The following EGFLAM variants were observed in gnomAD, a reference collection of about 807,000 sequenced individuals.
EGFLAM encodes the protein pikachurin.
In EGFLAM, 79 loss-of-function variants were observed where a neutral mutation model predicts 113.1. The ratio of observed to expected loss-of-function variants is 0.70; its 90% confidence interval spans 0.58 to 0.84. The LOEUF (loss-of-function observed/expected upper bound fraction) is 0.84. Among genes scored for constraint, EGFLAM ranks in the 40% least tolerant of loss-of-function variants. The pLI, the probability that EGFLAM is intolerant of heterozygous loss-of-function variation, is 0.00. For synonymous variants in EGFLAM, 504 were observed against 487.6 expected, an observed-to-expected ratio of 1.03 and a Z score of -0.44; for missense variants, 1,265 against 1,291.6, an observed-to-expected ratio of 0.98 and a Z score of 0.32.
chr5:38,409,131 CTT>C lies in EGFLAM; in HGVS notation c.1349+33_1349+34del, dbSNP rs777732646. The C allele has an allele frequency of 5.4e-4, 821 of 1,511,352 alleles. 1 individual carries two copies. The highest frequency in any genetic ancestry group is 7.1e-4 in the Non-Finnish European group (795 of 1,120,108). 93.6% of individuals were successfully genotyped at this position (1,511,352 alleles called of 1,614,324 possible). ...TAATTCCTGCCAAAAGCCTCACACT[CTT>C]TTTTTGTTACATTATCTTACATTAT... On this transcript the variant is annotated intron_variant, in intron 10 of 21. Coordinates refer to ENST00000322350, the MANE Select transcript of EGFLAM (RefSeq NM_152403.4).
At position 38,350,621 on chromosome 5, in the gene EGFLAM, A is replaced by G; in HGVS notation, c.409+3A>G. 6.2e-7 allele frequency: 1 copy of G among 1,612,876 alleles called. No homozygotes were observed. Among genetic ancestry groups the G allele is most frequent in the South Asian group, 1.1e-5 (1 of 90,730 alleles). ...GCATGTCACCACTTTGTCCCAAGGT[A>G]AAGTAGGTTCAAATTCATTAATAGG... On this transcript the variant is annotated splice_donor_region_variant and intron_variant, in intron 4 of 21. Transcript: ENST00000322350.
chr5:38,386,187 C>T (rs1352362469), intron 6 of EGFLAM, among the ~76,000 whole-genome samples: 1 of 152,152 alleles, frequency 6.6e-6, no homozygotes, highest in Admixed American at 6.5e-5. Flanking sequence ...TGCAAGTTAC[C>T]AAAAGGATCA....
chr5:38,354,254 T>TA (rs1240876416), intron 5 of EGFLAM, among the ~76,000 whole-genome samples: 58 of 146,630 alleles, frequency 4.0e-4, no homozygotes, highest in African/African-American at 8.5e-4. Flanking sequence ...GGAATATCCC[T>TA]AAAAAAAAAA....
intron 1 of EGFLAM, among the ~76,000 whole-genome samples, chr5:38,266,891 G>A (rs1205833674): frequency 6.6e-6 from 1 of 152,152 alleles, no homozygotes; most frequent in Non-Finnish European, 1.5e-5. Context: ...GTTGATTGGA[G>A]TAAATCAGGA....
chr5:38,445,752 G>C (rs752891370), intron 17 of EGFLAM: 1 of 1,584,778 alleles, frequency 6.3e-7, no homozygotes, highest in Non-Finnish European at 8.6e-7. Flanking sequence ...CTGGGCTGGG[G>C]CAGGCCAACC....
At chr5:38,415,418 C>A (rs1427071644) in intron 11 of EGFLAM, among the ~76,000 whole-genome samples, 1 of 152,098 alleles carries the variant, frequency 6.6e-6, no homozygotes, top group Non-Finnish European at 1.5e-5. Flanking sequence ...CACAGTGGCT[C>A]ACGCCTATAA....
intron 5 of EGFLAM, 27 bp downstream of exon 5, chr5:38,352,358 C>G (rs1739650331): frequency 5.0e-6 from 8 of 1,612,210 alleles, no homozygotes; most frequent in Non-Finnish European, 6.8e-6. Flanking sequence ...CATTCAAAAG[C>G]CAAATGTGTG....
chr5:38,445,422 C>T (rs757231558), intron 17 of EGFLAM: 17 of 1,328,634 alleles, frequency 1.3e-5, no homozygotes, highest in East Asian at 1.1e-4. Flanking sequence ...TGGTCCACCG[C>T]CACGCCCACC....
intron 1 of EGFLAM, among the ~76,000 whole-genome samples, chr5:38,324,381 C>G (rs564243486): frequency 6.6e-6 from 1 of 152,172 alleles, no homozygotes; most frequent in Admixed American, 6.5e-5. Flanking sequence ...ATCCTGCCCC[C>G]CTCCACACAT....
chr5:38,359,686 C>T (rs28611128), intron 5 of EGFLAM, among the ~76,000 whole-genome samples: 10,161 of 152,206 alleles, frequency 0.067, 393 homozygotes, highest in Middle Eastern at 0.11. Flanking sequence ...CACACACACA[C>T]AAAGTCTACT....
At chr5:38,280,458 C>T (rs1448046577) in intron 1 of EGFLAM, among the ~76,000 whole-genome samples, 1 of 152,214 alleles carries the variant, frequency 6.6e-6, no homozygotes, top group Non-Finnish European at 1.5e-5. Flanking sequence ...TAAAGGAGAT[C>T]AAATGAGAGC....
chr5:38,398,742 C>T (rs1257932892), intron 6 of EGFLAM, among the ~76,000 whole-genome samples: 1 of 152,190 alleles, frequency 6.6e-6, no homozygotes, highest in Non-Finnish European at 1.5e-5. Context: ...CTTGGGAAGA[C>T]TTTGAAGGGA....
intron 1 of EGFLAM, among the ~76,000 whole-genome samples, chr5:38,276,236 G>A (rs1757880538): frequency 6.6e-6 from 1 of 152,056 alleles, no homozygotes. Context: ...GAACAACACG[G>A]GAAGGACCTG....
intron 5 of EGFLAM, among the ~76,000 whole-genome samples, chr5:38,362,125 C>T (rs1378252413): frequency 6.6e-6 from 1 of 152,058 alleles, no homozygotes; most frequent in African/African-American, 2.4e-5. Context: ...TATGCATCCC[C>T]CGACCCCCGC....
At chr5:38,389,198 C>T (rs535331042) in intron 6 of EGFLAM, among the ~76,000 whole-genome samples, 3 of 152,052 alleles carry the variant, frequency 2.0e-5, no homozygotes, top group Admixed American at 2.0e-4. Context: ...AGAAGGAAAA[C>T]CCTTAGAAAA....
rs563509815 is a variant in EGFLAM, at chr5:38,449,856, C to G, written c.2544-1459C>G. Among the ~76,000 whole-genome samples the G allele has an allele frequency of 2.0e-5, 3 of 152,294 alleles. No individual in the cohort carries two copies. The East Asian group carries it at 5.8e-4, about 29-fold the overall frequency. ...TATTTCATATCACAAGGAGTCCAGACTTACACTGGATCTTGGGTTGATTAA... is the reference window on the plus strand; with the variant it reads ...TATTTCATATCACAAGGAGTCCAGAGTTACACTGGATCTTGGGTTGATTAA... On this transcript the variant is annotated intron_variant, in intron 18 of 21. Transcript: ENST00000322350.
chr5:38,426,759 G>A (rs1300708152), intron 13 of EGFLAM, among the ~76,000 whole-genome samples: 1 of 152,140 alleles, frequency 6.6e-6, no homozygotes, highest in Non-Finnish European at 1.5e-5. Flanking sequence ...CTTGCATCCT[G>A]CCAGCACGTG....
chr5:38,294,567 A>C (rs1758409153), intron 1 of EGFLAM, among the ~76,000 whole-genome samples: 1 of 152,174 alleles, frequency 6.6e-6, no homozygotes, highest in Admixed American at 6.5e-5. Flanking sequence ...TAGTATAAGC[A>C]TAGAAGGTCC....
At chr5:38,378,456 G>A (rs546721918) in intron 6 of EGFLAM, among the ~76,000 whole-genome samples, 4 of 152,256 alleles carry the variant, frequency 2.6e-5, no homozygotes, top group South Asian at 2.1e-4. Flanking sequence ...CTTCTTTGGC[G>A]GCAATGCCCC....
Sources: allele counts gnomAD v4.1 joint callset (sites outside exome capture counted in the v4.1 genomes callset), GRCh38; gene constraint gnomAD v4.1.1; transcripts MANE v1.5; gene names NCBI Gene and HGNC (gene_info 2026-07-23, HGNC 2026-07-21).